The following SUMF1 variants were observed in gnomAD, a reference collection of about 807,000 sequenced individuals.
SUMF1 encodes the protein formylglycine-generating enzyme.
SUMF1 carries 48 observed loss-of-function variants against 47.6 expected under a neutral mutation model. The observed-to-expected ratio is 1.01, with a 90% CI of 0.80 to 1.28. The LOEUF (loss-of-function observed/expected upper bound fraction) is 1.28, where lower values mean the gene tolerates loss of function less well. Among genes scored for constraint, SUMF1 ranks in the 50% most tolerant of loss-of-function variants. SUMF1 has a pLI of 0.00. For missense variants in SUMF1, 571 were observed against 485.4 expected (o/e 1.18, Z -1.66); for synonymous variants, 230 against 192.1 (o/e 1.20, Z -1.63).
At chr3:4,294,651 C>A (rs1697809205) in intron 8 of SUMF1, among the ~76,000 whole-genome samples, 1 of 152,090 alleles carries the variant, frequency 6.6e-6, no homozygotes, top group Admixed American at 6.6e-5. Context: ...CTCCTCTTCA[C>A]CAATTCCTCT....
intron 8 of SUMF1, among the ~76,000 whole-genome samples, chr3:4,101,290 A>T (rs1309394023): frequency 6.6e-6 from 1 of 152,168 alleles, no homozygotes; most frequent in Non-Finnish European, 1.5e-5. Context: ...ATATACACAC[A>T]ATGGAACCTA....
At chr3:4,284,472 A>AG (rs1559650506) in intron 8 of SUMF1, among the ~76,000 whole-genome samples, 30,576 of 136,916 alleles carry the variant, frequency 0.22, 5,431 homozygotes, top group Non-Finnish European at 0.32. Flanking sequence ...GAGGAGGAGG[A>AG]GAAGGAGGAG....
chr3:4,138,281 C>A (rs900832618), intron 8 of SUMF1, among the ~76,000 whole-genome samples: 1 of 152,114 alleles, frequency 6.6e-6, no homozygotes, highest in Non-Finnish European at 1.5e-5. Flanking sequence ...AAGTTAACTT[C>A]ACTCAGAAAG....
At chr3:4,184,461 GAAAAAAAAGAAA>G (rs923451228) in intron 8 of SUMF1, among the ~76,000 whole-genome samples, 16 of 148,522 alleles carry the variant, frequency 1.1e-4, no homozygotes, top group African/African-American at 3.5e-4. Flanking sequence ...GTCTCAAAAA[GAAAAAAAAGAAA>G]AAAAGAAAGA....
chr3:4,186,051 T>C (rs982798594), intron 8 of SUMF1, among the ~76,000 whole-genome samples: 17 of 152,160 alleles, frequency 1.1e-4, no homozygotes, highest in African/African-American at 3.4e-4. Flanking sequence ...AGATGACCAA[T>C]TGTGTTTCTA....
At chr3:4,083,203 G>A (rs979825191) in intron 8 of SUMF1, among the ~76,000 whole-genome samples, 1 of 152,170 alleles carries the variant, frequency 6.6e-6, no homozygotes, top group African/African-American at 2.4e-5. Flanking sequence ...AAACTGACTT[G>A]TTAATATTGT....
chr3:4,337,200 TCCCTCCC>T (rs1699171294), intron 8 of SUMF1, among the ~76,000 whole-genome samples: 1 of 92,910 alleles, frequency 1.1e-5, no homozygotes, highest in Non-Finnish European at 2.2e-5. Context: ...CCTCCCTCCC[TCCCTCCC>T]TCCTTTCTTC....
intron 9 of SUMF1, among the ~76,000 whole-genome samples, chr3:4,057,622 G>A (rs1695214976): frequency 6.6e-6 from 1 of 152,066 alleles, no homozygotes; most frequent in Non-Finnish European, 1.5e-5. Flanking sequence ...GCCTCCCAGA[G>A]TTGTTATGAA....
At position 4,176,822 on chromosome 3, in the gene SUMF1, C is replaced by A. The variant is rs114856848; in HGVS notation, c.1015-108077G>T. Among the ~76,000 whole-genome samples the A allele has an allele frequency of 7.3e-3, 1,113 of 152,010 alleles. 12 individuals carry two copies. Among genetic ancestry groups the A allele is most frequent in the African/African-American group, 0.025 (1,046 of 41,454 alleles). On this transcript the variant is annotated intron_variant and NMD_transcript_variant, in intron 8 of 12. Transcript: ENST00000448413. ...TCATATGCAAAGACACACATAGGTT[C>A]AAAATGAAGGGATAGAGGAAGATTT...
chr3:4,116,516 T>G (rs1353699693), intron 8 of SUMF1, among the ~76,000 whole-genome samples: 3 of 152,132 alleles, frequency 2.0e-5, no homozygotes. Context: ...ATCTATTAAA[T>G]TTTGAACTCA....
At chr3:4,149,591 G>T (rs143529210) in intron 8 of SUMF1, among the ~76,000 whole-genome samples, 1 of 152,076 alleles carries the variant, frequency 6.6e-6, no homozygotes, top group Admixed American at 6.5e-5. Flanking sequence ...CTCAGACTGC[G>T]CCAATATATC....
At chr3:4,405,941 T>C (rs1361375184) in intron 7 of SUMF1, among the ~76,000 whole-genome samples, 2 of 152,188 alleles carry the variant, frequency 1.3e-5, no homozygotes, top group South Asian at 2.1e-4. Context: ...AGAATGAGTA[T>C]GTGATAAGCC....
intron 8 of SUMF1, chr3:4,317,262 C>G: frequency 6.7e-7 from 1 of 1,496,056 alleles, no homozygotes; most frequent in Non-Finnish European, 9.0e-7. Context: ...ATGCGTTGAG[C>G]CTAGTTATAA....
intron 8 of SUMF1, among the ~76,000 whole-genome samples, chr3:4,087,316 C>T (rs1394598535): frequency 6.6e-6 from 1 of 152,098 alleles, no homozygotes; most frequent in African/African-American, 2.4e-5. Context: ...TGAATAGTTA[C>T]CATGCAGCAT....
chr3:4,344,433 C>T (rs772436063), intron 8 of SUMF1, among the ~76,000 whole-genome samples: 4 of 152,116 alleles, frequency 2.6e-5, no homozygotes, highest in African/African-American at 7.2e-5. Flanking sequence ...TGCAGCATCC[C>T]TACAGAAGAG....
intron 3 of SUMF1, among the ~76,000 whole-genome samples, chr3:4,421,320 A>G (rs1701890690): frequency 6.6e-6 from 1 of 152,156 alleles, no homozygotes; most frequent in Non-Finnish European, 1.5e-5. Flanking sequence ...GAAATATAAT[A>G]CGCATACAGG....
At chr3:4,051,504 C>T (rs1695109968) in intron 9 of SUMF1, among the ~76,000 whole-genome samples, 1 of 152,144 alleles carries the variant, frequency 6.6e-6, no homozygotes, top group East Asian at 1.9e-4. Context: ...ATTGTATTCC[C>T]ACTCCTACTT....
chr3:4,354,854 C>G (rs1054934226), intron 8 of SUMF1, among the ~76,000 whole-genome samples: 2 of 152,216 alleles, frequency 1.3e-5, no homozygotes, highest in African/African-American at 2.4e-5. Context: ...AGCACTTATC[C>G]AAGTACTTTG....
At chr3:4,436,862 AAAT>A (rs1440704906) in intron 3 of SUMF1, among the ~76,000 whole-genome samples, 25 of 99,316 alleles carry the variant, frequency 2.5e-4, no homozygotes, top group Non-Finnish European at 4.5e-4. Context: ...AAAAAAAAAA[AAAT>A]ACAAAAAACA....
Sources: allele counts gnomAD v4.1 joint callset (sites outside exome capture counted in the v4.1 genomes callset), GRCh38; gene constraint gnomAD v4.1.1; transcripts MANE v1.5; gene names NCBI Gene and HGNC (gene_info 2026-07-23, HGNC 2026-07-21).